Variants in MMP26 observed in about 807,000 individuals in gnomAD.
MMP26 encodes matrix metallopeptidase 26.
A neutral mutation model predicts 31.0 loss-of-function variants in MMP26; 33 were observed. The ratio of observed to expected loss-of-function variants is 1.06; its 90% CI spans 0.81 to 1.42. The LOEUF (loss-of-function observed/expected upper bound fraction) is 1.42. Among genes scored for constraint, MMP26 ranks in the 40% most tolerant of loss-of-function variants. The probability of loss-of-function intolerance (pLI) is 0.00; values close to 1 mark genes in which losing one functional copy is unlikely to be tolerated. For synonymous variants in MMP26, 122 were observed against 114.9 expected (o/e 1.06, Z -0.40); for missense variants, 347 against 316.1 (o/e 1.10, Z -0.74).
In MMP26 at chr11:4,954,933, C is replaced by T. The variant is rs75797492; in HGVS notation, c.-144-33135C>T. ...ACATGCCCGGCAAAGCGGTGGACAA[C>T]GGCCAGGTTGATGATGGGCAGGTAG... On this transcript the variant is annotated intron_variant, in intron 2 of 7. Coordinates refer to ENST00000380390, the MANE Select transcript of MMP26 (RefSeq NM_021801.5). 539 of 1,215,992 alleles carry T rather than the reference C, an allele frequency of 4.4e-4. 108 individuals carry two copies. The African/African-American group carries it at 5.9e-3, about 13-fold the overall frequency. 75.3% of individuals were successfully genotyped at this position (1,215,992 alleles called of 1,614,324 possible).
In MMP26 at chr11:4,849,573, A is replaced by T. The variant is rs139819653; in HGVS notation, c.-145+82232A>T. Among the ~76,000 whole-genome samples, 78 of 151,622 alleles carry T rather than the reference A, an allele frequency of 5.1e-4. 1 individual carries two copies. Among genetic ancestry groups the T allele is most frequent in the Middle Eastern group, 3.4e-3 (1 of 290 alleles). On this transcript the variant is annotated intron_variant, in intron 2 of 7. Coordinates refer to ENST00000380390, the MANE Select transcript of MMP26 (RefSeq NM_021801.5). ...TTTAGGAAACAGTCCATTTATCCAT[A>T]TTTTTTTCTCTTCCCAACCCCAGAC...
chr11:4,894,421 A>G (rs1299715416), intron 2 of MMP26, among the ~76,000 whole-genome samples: 3 of 152,192 alleles, frequency 2.0e-5, no homozygotes, highest in Admixed American at 6.6e-5. Flanking sequence ...AATGTTTAGA[A>G]TGCAAGGAAA....
chr11:4,972,443 A>T (rs185281044), intron 2 of MMP26, among the ~76,000 whole-genome samples: 2 of 152,144 alleles, frequency 1.3e-5, no homozygotes, highest in Non-Finnish European at 2.9e-5. Flanking sequence ...TTATTTTTAT[A>T]TTTTTCATGT....
intron 1 of MMP26, among the ~76,000 whole-genome samples, chr11:4,747,328 T>G (rs1318472926): frequency 6.6e-6 from 1 of 152,228 alleles, no homozygotes; most frequent in Non-Finnish European, 1.5e-5. Flanking sequence ...TTTCTTTAGT[T>G]GGTTTTATGC....
intron 2 of MMP26, among the ~76,000 whole-genome samples, chr11:4,983,370 ATCT>A (rs1306839776): frequency 6.6e-6 from 1 of 152,172 alleles, no homozygotes; most frequent in Non-Finnish European, 1.5e-5. Context: ...TAGATATTGA[ATCT>A]TCTCCAGAAG....
At chr11:4,802,181 G>A (rs534246611) in intron 2 of MMP26, among the ~76,000 whole-genome samples, 3 of 152,234 alleles carry the variant, frequency 2.0e-5, no homozygotes, top group East Asian at 1.9e-4. Context: ...ACTAATTAAT[G>A]TCTATATTTG....
At chr11:4,872,173 A>C (rs2133527477) in intron 2 of MMP26, among the ~76,000 whole-genome samples, 1 of 152,244 alleles carries the variant, frequency 6.6e-6, no homozygotes, top group Non-Finnish European at 1.5e-5. Context: ...ATGAACAAGC[A>C]CTCAATAAAT....
intron 2 of MMP26, among the ~76,000 whole-genome samples, chr11:4,817,460 A>C (rs887165506): frequency 2.0e-5 from 3 of 152,042 alleles, no homozygotes; most frequent in African/African-American, 4.8e-5. Context: ...GGTGGTATGC[A>C]CCTGTAGTCC....
At chr11:4,976,320 G>T (rs560832701) in intron 2 of MMP26, among the ~76,000 whole-genome samples, 1 of 152,162 alleles carries the variant, frequency 6.6e-6, no homozygotes, top group Non-Finnish European at 1.5e-5. Context: ...AATGATGTTT[G>T]TATAATAATG....
chr11:4,986,970 T>A (rs1219914604), intron 2 of MMP26, among the ~76,000 whole-genome samples: 11 of 142,174 alleles, frequency 7.7e-5, no homozygotes, highest in Admixed American at 7.3e-4. Flanking sequence ...CCTCTCTCTC[T>A]CTCTCTTTCT....
chr11:4,745,689 T>C (rs1270184645), intron 1 of MMP26, among the ~76,000 whole-genome samples: 1 of 152,202 alleles, frequency 6.6e-6, no homozygotes, highest in East Asian at 1.9e-4. Flanking sequence ...TGTGTAATGA[T>C]ACATACCTTC....
chr11:4,769,252 T>G (rs12792898), intron 2 of MMP26: 2 of 1,613,346 alleles, frequency 1.2e-6, no homozygotes, highest in Non-Finnish European at 1.7e-6. Flanking sequence ...AGTGAATAAT[T>G]AAGATATATG....
chr11:4,946,848 T>C (rs1307883909), intron 2 of MMP26: 1 of 1,591,000 alleles, frequency 6.3e-7, no homozygotes, highest in South Asian at 1.1e-5. Flanking sequence ...AGGAAGATGC[T>C]TAACACAGTG....
At chr11:4,926,091 C>T (rs774985831) in intron 2 of MMP26, among the ~76,000 whole-genome samples, 56 of 152,218 alleles carry the variant, frequency 3.7e-4, no homozygotes, top group Non-Finnish European at 7.5e-4. Context: ...CATTGAAGGG[C>T]CTCTACTGAA....
At chr11:4,871,789 C>G (rs1306759296) in intron 2 of MMP26, 5 of 152,146 alleles carry the variant, frequency 3.3e-5, no homozygotes, top group African/African-American at 1.2e-4. Flanking sequence ...CTTTGAGGAT[C>G]TTGTCACAGA....
chr11:4,885,544 T>A (rs997381381), intron 2 of MMP26, among the ~76,000 whole-genome samples: 1 of 152,124 alleles, frequency 6.6e-6, no homozygotes, highest in Admixed American at 6.6e-5. Context: ...CTAGGAGCAA[T>A]AGGCTATATC....
At chr11:4,846,600 G>C (rs1849871504) in intron 2 of MMP26, among the ~76,000 whole-genome samples, 2 of 152,106 alleles carry the variant, frequency 1.3e-5, no homozygotes, top group South Asian at 4.1e-4. Context: ...TGAGGGGATA[G>C]ATACCCCATT....
intron 1 of MMP26, among the ~76,000 whole-genome samples, chr11:4,731,520 C>T (rs1443429182): frequency 6.6e-6 from 1 of 152,222 alleles, no homozygotes; most frequent in African/African-American, 2.4e-5. Context: ...TGTACCCTGA[C>T]ATGTAAAGAC....
chr11:4,924,390 G>C (rs772938777), intron 2 of MMP26: 5 of 1,528,590 alleles, frequency 3.3e-6, no homozygotes, highest in Non-Finnish European at 3.5e-6. Flanking sequence ...GAGATTCCTG[G>C]AAAGTGACAA....
Sources: allele counts gnomAD v4.1 joint callset (sites outside exome capture counted in the v4.1 genomes callset), GRCh38; gene constraint gnomAD v4.1.1; transcripts MANE v1.5; gene names NCBI Gene and HGNC (gene_info 2026-07-23, HGNC 2026-07-21).